The following KIF6 variants were observed in gnomAD, a reference collection of about 807,000 sequenced individuals.
KIF6 encodes kinesin family member 6.
Under a neutral mutation model 112.7 loss-of-function variants are expected in KIF6, and 106 were observed. The ratio of observed to expected loss-of-function variants is 0.94; its 90% CI spans 0.80 to 1.11. The LOEUF (loss-of-function observed/expected upper bound fraction) is 1.11. Ranked by LOEUF, KIF6 falls within the 50% of genes least tolerant of loss-of-function variation. The probability of loss-of-function intolerance (pLI) is 0.00; values close to 1 mark genes in which losing one functional copy is unlikely to be tolerated. For missense variants in KIF6, 929 were observed against 964.0 expected (o/e 0.96, Z 0.48); for synonymous variants, 339 against 339.9 (o/e 1.00, Z 0.03).
intron 16 of KIF6, among the ~76,000 whole-genome samples, chr6:39,373,914 T>C (rs908172618): frequency 1.1e-4 from 17 of 152,140 alleles, no homozygotes; most frequent in Non-Finnish European, 2.1e-4. Flanking sequence ...AGACCTTCAA[T>C]AGTCAAAGTA....
intron 3 of KIF6, among the ~76,000 whole-genome samples, chr6:39,671,058 A>G (rs1331917994): frequency 6.6e-6 from 1 of 152,360 alleles, no homozygotes; most frequent in Non-Finnish European, 1.5e-5. Context: ...GAATATATCA[A>G]TGGATCAGAC....
At chr6:39,611,688 A>G (rs1363843318) in intron 6 of KIF6, among the ~76,000 whole-genome samples, 1 of 152,192 alleles carries the variant, frequency 6.6e-6, no homozygotes, top group Non-Finnish European at 1.5e-5. Flanking sequence ...TTTCATAAGC[A>G]TTGGTGGACA....
Position 39,342,605 on chromosome 6 carries a change from TTTTTTATTTTTTTTTATTTTTTTTTA to T in KIF6, c.2428+1078_2428+1103del, listed in dbSNP as rs1562107869. Among the ~76,000 whole-genome samples the T allele has an allele frequency of 5.4e-5, 6 of 111,162 alleles. 2 individuals are homozygous for T. The highest frequency in any genetic ancestry group is 2.5e-4 in the African/African-American group (5 of 19,854). The allele number at this position is 111,162 out of a possible 152,430, so 72.9% of individuals were successfully genotyped here. On this transcript the variant is annotated intron_variant, in intron 22 of 22. Transcript: ENST00000287152. This position sits in a 1 kb window ranked among gnomAD's most constrained non-coding sequence, Gnocchi z 4.7. ...GATCACTGAATCCAGTTTTTTATTTTTTTTTATTTTTTTTTATTTTTTTTTATTTTTAGACAAGGAAACTGAGAATG... is the reference window on the plus strand; with the variant it reads ...GATCACTGAATCCAGTTTTTTATTTTTTTTTAGACAAGGAAACTGAGAATG...
intron 16 of KIF6, among the ~76,000 whole-genome samples, chr6:39,370,000 A>G (rs1197123274): frequency 1.3e-5 from 2 of 151,570 alleles, no homozygotes; most frequent in East Asian, 2.0e-4. Flanking sequence ...CTCCCAGCCT[A>G]CCCCTCCAGG....
chr6:39,572,137 T>C (rs1326723717), intron 10 of KIF6, among the ~76,000 whole-genome samples: 2 of 152,196 alleles, frequency 1.3e-5, no homozygotes, highest in Non-Finnish European at 2.9e-5. Context: ...GGTTTAACTC[T>C]CTCACCTTAC....
At chr6:39,610,811 T>G (rs1307320060) in intron 6 of KIF6, among the ~76,000 whole-genome samples, 3 of 152,164 alleles carry the variant, frequency 2.0e-5, no homozygotes. Flanking sequence ...ATGGTAATTA[T>G]TATTACCAAA....
chr6:39,523,645 C>CATATATATATAT (rs56952665), intron 13 of KIF6, among the ~76,000 whole-genome samples: 1 of 32,528 alleles, frequency 3.1e-5, no homozygotes, highest in Non-Finnish European at 7.4e-5. Flanking sequence ...TTAATTCTGC[C>CATATATATATAT]ATATATATAT....
intron 10 of KIF6, among the ~76,000 whole-genome samples, chr6:39,547,102 A>G (rs1254019357): frequency 6.6e-6 from 1 of 152,240 alleles, no homozygotes; most frequent in Non-Finnish European, 1.5e-5. Flanking sequence ...CAGCAGCAGC[A>G]TATCTTTCTA....
intron 13 of KIF6, among the ~76,000 whole-genome samples, chr6:39,468,112 C>A (rs1773902278): frequency 6.6e-6 from 1 of 151,548 alleles, no homozygotes; most frequent in Non-Finnish European, 1.5e-5. Flanking sequence ...GAGATTTGAA[C>A]TGACAGAAGA....
intron 20 of KIF6, 33 bp from the exon 21 acceptor site, chr6:39,345,822 A>G: frequency 2.0e-6 from 3 of 1,496,730 alleles, no homozygotes; most frequent in South Asian, 2.3e-5. Flanking sequence ...AGCAAAAGGA[A>G]TGGGGGCAAA....
At chr6:39,495,810 G>A (rs1775748184) in intron 13 of KIF6, among the ~76,000 whole-genome samples, 1 of 152,188 alleles carries the variant, frequency 6.6e-6, no homozygotes, top group Non-Finnish European at 1.5e-5. Context: ...ACTTCATGGA[G>A]AGGAGAAAAA....
chr6:39,652,293 G>A (rs1785513118), intron 3 of KIF6, among the ~76,000 whole-genome samples: 1 of 152,084 alleles, frequency 6.6e-6, no homozygotes, highest in Non-Finnish European at 1.5e-5. Context: ...ACTTTGGGAG[G>A]CCAAGCAGGT....
intron 16 of KIF6, among the ~76,000 whole-genome samples, chr6:39,375,590 C>T (rs1268993365): frequency 6.6e-6 from 1 of 152,140 alleles, no homozygotes; most frequent in Non-Finnish European, 1.5e-5. Flanking sequence ...TGCCCTTGGA[C>T]GTTGGCACTC....
chr6:39,523,647 T>C (rs1293162837), intron 13 of KIF6, among the ~76,000 whole-genome samples: 8 of 1,184 alleles, frequency 6.8e-3, no homozygotes, highest in African/African-American at 0.018. Flanking sequence ...AATTCTGCCA[T>C]ATATATATAT....
At chr6:39,445,634 C>A (rs2150401025) in intron 13 of KIF6, among the ~76,000 whole-genome samples, 1 of 152,290 alleles carries the variant, frequency 6.6e-6, no homozygotes, top group African/African-American at 2.4e-5. Context: ...TCACGTGGTT[C>A]AGAAGGTATA....
At chr6:39,656,118 C>A (rs562541573) in intron 3 of KIF6, among the ~76,000 whole-genome samples, 1 of 152,274 alleles carries the variant, frequency 6.6e-6, no homozygotes, top group African/African-American at 2.4e-5. Context: ...GTTTGACACT[C>A]ATCTGAAAGC....
intron 5 of KIF6, among the ~76,000 whole-genome samples, chr6:39,628,751 A>G (rs1784215601): frequency 6.6e-6 from 1 of 152,046 alleles, no homozygotes; most frequent in African/African-American, 2.4e-5. Flanking sequence ...TGACAAATGT[A>G]TGATATCATG....
chr6:39,648,203 T>C (rs937780623), intron 3 of KIF6, among the ~76,000 whole-genome samples: 1 of 83,838 alleles, frequency 1.2e-5, no homozygotes, highest in African/African-American at 5.8e-5. Context: ...TTTGTATTTT[T>C]AGTAGAGACG....
chr6:39,493,214 T>C (rs945335727), intron 13 of KIF6, among the ~76,000 whole-genome samples: 2 of 152,194 alleles, frequency 1.3e-5, no homozygotes, highest in Non-Finnish European at 2.9e-5. Flanking sequence ...TGATAAACCA[T>C]GTATATTATG....
Sources: gnomAD v4.1 joint callset for allele counts (sites outside exome capture counted in the v4.1 genomes callset) on GRCh38, gnomAD v4.1.1 for gene constraint, Gnocchi (gnomAD v3.1) non-coding constraint, MANE v1.5 for transcripts, NCBI Gene and HGNC (gene_info 2026-07-23, HGNC 2026-07-21) for gene names.